Variants in IGF1R observed in about 807,000 individuals in gnomAD.
The protein encoded by IGF1R is insulin-like growth factor 1 receptor.
IGF1R carries 44 observed loss-of-function variants against 144.6 expected under a neutral mutation model. The ratio of observed to expected loss-of-function variants is 0.30; its 90% CI spans 0.24 to 0.39. IGF1R has a LOEUF of 0.39. Ranked by LOEUF, IGF1R falls within the 10% of genes least tolerant of loss-of-function variation. The probability of loss-of-function intolerance (pLI) is 1.00; values close to 1 mark genes in which losing one functional copy is unlikely to be tolerated. For missense variants in IGF1R, 1,355 were observed against 1,833.7 expected, an observed-to-expected ratio of 0.74 and a Z score of 4.77; for synonymous variants, 795 against 722.8, an observed-to-expected ratio of 1.10 and a Z score of -1.60.
In IGF1R at chr15:98,818,073, T is replaced by C. The variant is rs1227031851; in HGVS notation, c.641-73252T>C. On this transcript the variant is annotated intron_variant, in intron 2 of 20. Transcript: ENST00000650285. ...AGAGCAAGCTGTGGTGTCTCTTCAC[T>C]GATTAAGGACATTAATCCAATTGTA... Among the ~76,000 whole-genome samples, 3 of 152,204 alleles carry C rather than the reference T, an allele frequency of 2.0e-5. 1 individual carries two copies. The highest frequency in any genetic ancestry group is 6.5e-5 in the Admixed American group (1 of 15,276).
chr15:98,854,474 A>G (rs185633752), intron 2 of IGF1R, among the ~76,000 whole-genome samples: 1 of 152,206 alleles, frequency 6.6e-6, no homozygotes, highest in East Asian at 1.9e-4. Context: ...TGTCTGGTAA[A>G]TCATCTCTCC....
intron 2 of IGF1R, among the ~76,000 whole-genome samples, chr15:98,757,382 T>TCCC (rs1239343494): frequency 6.6e-6 from 1 of 152,116 alleles, no homozygotes; most frequent in Non-Finnish European, 1.5e-5. Context: ...CAGGCTGGTC[T>TCCC]CAAACTCCTG....
At chr15:98,915,506 C>A (rs575819001) in intron 8 of IGF1R, among the ~76,000 whole-genome samples, 5 of 152,244 alleles carry the variant, frequency 3.3e-5, no homozygotes, top group Admixed American at 2.0e-4. Flanking sequence ...TCCACTTCCT[C>A]TTTCCATTTG....
At chr15:98,858,057 A>G (rs1014975535) in intron 2 of IGF1R, among the ~76,000 whole-genome samples, 2 of 152,372 alleles carry the variant, frequency 1.3e-5, no homozygotes, top group East Asian at 3.9e-4. Flanking sequence ...GTAACTGAGT[A>G]TCAGCGGATT....
intron 2 of IGF1R, among the ~76,000 whole-genome samples, chr15:98,758,643 C>G (rs996828690): frequency 6.6e-6 from 1 of 152,196 alleles, no homozygotes; most frequent in African/African-American, 2.4e-5. Context: ...GGCCTTCTTC[C>G]CTGTGGATGG....
intron 1 of IGF1R, among the ~76,000 whole-genome samples, chr15:98,681,567 T>C (rs1401488434): frequency 6.6e-6 from 1 of 152,160 alleles, no homozygotes; most frequent in African/African-American, 2.4e-5. Flanking sequence ...CATCTGATGC[T>C]TCCTGGCTGC....
At chr15:98,710,038 T>C (rs1262789420) in intron 2 of IGF1R, among the ~76,000 whole-genome samples, 1 of 152,152 alleles carries the variant, frequency 6.6e-6, no homozygotes, top group Non-Finnish European at 1.5e-5. Flanking sequence ...TTTCTTCATA[T>C]GTGGAATGGG....
At chr15:98,954,637 C>T (rs148167630) in intron 20 of IGF1R, among the ~76,000 whole-genome samples, 221 of 152,238 alleles carry the variant, frequency 1.5e-3, no homozygotes, top group African/African-American at 4.8e-3. Context: ...TCTCCTGTGG[C>T]ACCTCCTCGG....
intron 20 of IGF1R, among the ~76,000 whole-genome samples, chr15:98,955,659 T>C (rs769749333): frequency 5.3e-5 from 8 of 151,656 alleles, no homozygotes; most frequent in Non-Finnish European, 1.2e-4. Context: ...CTTCTCCACC[T>C]GAAGGAAGCT....
In IGF1R at chr15:98,916,009, C is replaced by G; in HGVS notation, c.1874C>G (p.Ser625Cys). The change falls in exon 9 of 21, where the codon TCT becomes TGT. Residue 625 changes from serine to cysteine, a missense_variant. By Grantham distance (112) the Ser-to-Cys change is moderately radical (BLOSUM62 -1). This residue lies in a region of IGF1R where 880 missense variants were observed against 1,202.7 expected (regional missense o/e 0.73). Coordinates refer to ENST00000650285, the MANE Select transcript of IGF1R (RefSeq NM_000875.5). ...LDVLSASNSS[S>C]QLIVKWNPPS... ...GTTCTTTCAGCATCGAACTCCTCTT[C>G]TCAGTTAATCGTGAAGTGGAACCCT... 3.1e-6 allele frequency: 5 copies of G among 1,614,180 alleles called. No homozygotes were observed. Among genetic ancestry groups the G allele is most frequent in the Non-Finnish European group, 3.4e-6 (4 of 1,180,006 alleles).
intron 2 of IGF1R, among the ~76,000 whole-genome samples, chr15:98,715,546 C>T (rs989289800): frequency 1.3e-5 from 2 of 152,198 alleles, no homozygotes; most frequent in Non-Finnish European, 2.9e-5. Context: ...CTCTGTCTTG[C>T]TTTCCTCATG....
rs559480651 is a variant in IGF1R at position 98,833,707 on chromosome 15, C to A, written c.641-57618C>A. On this transcript the variant is annotated intron_variant, in intron 2 of 20. Transcript: ENST00000650285. ...CCAAGCTTATATCACATAAATCATTCATTTTGCATGTTTTTGACAGGGAGA... is the reference window on the plus strand; with the variant it reads ...CCAAGCTTATATCACATAAATCATTAATTTTGCATGTTTTTGACAGGGAGA... Among the ~76,000 whole-genome samples, 7 of 152,272 alleles carry A rather than the reference C, an allele frequency of 4.6e-5. No individual in the cohort carries two copies. The South Asian group carries it at 1.5e-3, about 32-fold the overall frequency.
At position 98,958,060 on chromosome 15, in the gene IGF1R, C is replaced by T. The variant is rs1424680609; in HGVS notation, c.*618C>T. The T allele has an allele frequency of 4.3e-6, 1 of 234,222 alleles. No homozygotes were observed. Among genetic ancestry groups the T allele is most frequent in the Non-Finnish European group, 8.4e-6 (1 of 118,462 alleles). The allele number at this position is 234,222 out of a possible 1,614,324, so 14.5% of individuals were successfully genotyped here. On this transcript the variant is annotated 3_prime_UTR_variant, in exon 21 of 21. Coordinates refer to ENST00000650285, the MANE Select transcript of IGF1R (RefSeq NM_000875.5). ...AATCCTGAACTTTCTCCCTCATCGG[C>T]CCGGCGCTGATTCCTCGTGTCCGGA...
At chr15:98,857,360 A>G (rs867255782) in intron 2 of IGF1R, among the ~76,000 whole-genome samples, 3 of 152,178 alleles carry the variant, frequency 2.0e-5, no homozygotes, top group Non-Finnish European at 2.9e-5. Flanking sequence ...CTGAGATTAC[A>G]GGCATGTGCC....
chr15:98,648,869 C>CG lies in IGF1R; in HGVS notation c.-708dup, dbSNP rs1567055191. 3 of 144,024 alleles carry CG rather than the reference C, an allele frequency of 2.1e-5. No homozygotes were observed. Among genetic ancestry groups the CG allele is most frequent in the African/African-American group, 7.5e-5 (3 of 40,092 alleles). The allele number at this position is 144,024 out of a possible 1,614,324, so 8.9% of individuals were successfully genotyped here. ...CAGGCGGCGGCGGGCGGGGGCCGGG[C>CG]GGGGGCCGGCGCGGGGCGGGCGGCG... On this transcript the variant is annotated 5_prime_UTR_variant, in exon 1 of 21. Coordinates refer to ENST00000650285, the MANE Select transcript of IGF1R (RefSeq NM_000875.5).
intron 2 of IGF1R, among the ~76,000 whole-genome samples, chr15:98,805,012 A>T (rs1183318031): frequency 6.6e-6 from 1 of 152,212 alleles, no homozygotes; most frequent in African/African-American, 2.4e-5. Flanking sequence ...GAGAATTTTT[A>T]AAATAAATGA....
At chr15:98,728,012 T>TTTTG (rs1555436605) in intron 2 of IGF1R, among the ~76,000 whole-genome samples, 7 of 149,844 alleles carry the variant, frequency 4.7e-5, no homozygotes, top group African/African-American at 7.3e-5. Flanking sequence ...GCATTGTTTT[T>TTTTG]TTTTTTTTTT....
At chr15:98,887,784 C>T (rs1006078676) in intron 2 of IGF1R, among the ~76,000 whole-genome samples, 3 of 152,224 alleles carry the variant, frequency 2.0e-5, no homozygotes, top group African/African-American at 7.2e-5. Context: ...TGGGAGTCTG[C>T]TCTCTTCCAG....
chr15:98,671,906 T>C (rs188904674), intron 1 of IGF1R, among the ~76,000 whole-genome samples: 64 of 152,366 alleles, frequency 4.2e-4, no homozygotes, highest in Non-Finnish European at 5.9e-4. Context: ...ATTCTTGAGA[T>C]CTTTTTGTTT....
Sources: allele counts gnomAD v4.1 joint callset (sites outside exome capture counted in the v4.1 genomes callset), GRCh38; gene constraint gnomAD v4.1.1; regional missense constraint gnomAD v4.1.1; transcripts MANE v1.5; gene names NCBI Gene and HGNC (gene_info 2026-07-23, HGNC 2026-07-21).